The following ABCB1 variants were observed in gnomAD, a reference collection of about 807,000 sequenced individuals.
ABCB1 encodes ATP binding cassette subfamily B member 1, also known as ATP-dependent translocase ABCB1.
A neutral mutation model predicts 142.0 loss-of-function variants in ABCB1; 69 were observed. That is an observed-to-expected ratio of 0.49 (90% CI 0.40 to 0.59). The LOEUF (loss-of-function observed/expected upper bound fraction) is 0.59, where lower values mean the gene tolerates loss of function less well. ABCB1 is among the 20% of genes least tolerant of loss of function. The pLI, the probability that ABCB1 is intolerant of heterozygous loss-of-function variation, is 0.00. For synonymous variants in ABCB1, 532 were observed against 539.2 expected, an observed-to-expected ratio of 0.99 and a Z score of 0.18; for missense variants, 1,326 against 1,554.7, an observed-to-expected ratio of 0.85 and a Z score of 2.47.
chr7:87,505,821 G>A (rs1814709070), intron 27 of ABCB1, 76 bp downstream of exon 27: 2 of 1,555,842 alleles, frequency 1.3e-6, no homozygotes, highest in Non-Finnish European at 1.8e-6. Context: ...GCTGCATTTT[G>A]TTCTTTACTA....
At chr7:87,647,193 GA>G (rs1823093624) in intron 1 of ABCB1, among the ~76,000 whole-genome samples, 1 of 152,180 alleles carries the variant, frequency 6.6e-6, no homozygotes, top group Non-Finnish European at 1.5e-5. Flanking sequence ...TGGCATTTCT[GA>G]AAGTGTACTT....
At chr7:87,694,760 A>G (rs1231480386) in intron 1 of ABCB1, among the ~76,000 whole-genome samples, 2 of 149,104 alleles carry the variant, frequency 1.3e-5, no homozygotes, top group East Asian at 3.8e-4. Context: ...GGTGGAAGGG[A>G]AAAAACAAAA....
chr7:87,698,048 A>G (rs1333614990), intron 1 of ABCB1, among the ~76,000 whole-genome samples: 1 of 152,222 alleles, frequency 6.6e-6, no homozygotes, highest in African/African-American at 2.4e-5. Flanking sequence ...ATTAAGAGGG[A>G]GAAGTCTGTA....
chr7:87,639,927 GTA>G (rs1331282340), intron 1 of ABCB1, among the ~76,000 whole-genome samples: 1 of 151,382 alleles, frequency 6.6e-6, no homozygotes, highest in Non-Finnish European at 1.5e-5. Flanking sequence ...ACTGTTCATT[GTA>G]TGTTTGCTTT....
At chr7:87,542,729 AG>A (rs1816596392) in intron 17 of ABCB1, among the ~76,000 whole-genome samples, 1 of 151,768 alleles carries the variant, frequency 6.6e-6, no homozygotes, top group Non-Finnish European at 1.5e-5. Flanking sequence ...GACACATGTT[AG>A]TGCAAGAATC....
chr7:87,621,673 A>G (rs1358294877), intron 1 of ABCB1, among the ~76,000 whole-genome samples: 1 of 152,158 alleles, frequency 6.6e-6, no homozygotes, highest in African/African-American at 2.4e-5. Context: ...ATAAACAAAT[A>G]CAAACACATA....
intron 1 of ABCB1, among the ~76,000 whole-genome samples, chr7:87,679,173 A>T (rs1826676424): frequency 7.0e-6 from 1 of 143,498 alleles, no homozygotes; most frequent in Non-Finnish European, 1.5e-5. Flanking sequence ...GCTCACTGCA[A>T]GCTCCTCCTC....
intron 1 of ABCB1, chr7:87,650,929 G>A (rs778523577): frequency 3.7e-5 from 59 of 1,588,128 alleles, no homozygotes; most frequent in Non-Finnish European, 4.8e-5. Flanking sequence ...TTAAGCCACC[G>A]GCTAAAAGGT....
chr7:87,691,417 A>G (rs962552637), intron 1 of ABCB1, among the ~76,000 whole-genome samples: 3 of 152,100 alleles, frequency 2.0e-5, no homozygotes, highest in Admixed American at 6.6e-5. Context: ...ATTTGAATGC[A>G]TTTTGTTCTT....
intron 20 of ABCB1, among the ~76,000 whole-genome samples, chr7:87,533,722 G>T (rs1005602436): frequency 2.6e-5 from 4 of 152,044 alleles, no homozygotes; most frequent in Non-Finnish European, 2.9e-5. Context: ...TTGAGGGGAG[G>T]AACTAAAACC....
chr7:87,589,868 G>GAGAA (rs1358508967), intron 3 of ABCB1, among the ~76,000 whole-genome samples: 3 of 151,324 alleles, frequency 2.0e-5, no homozygotes, highest in Admixed American at 6.6e-5. Context: ...GAGAGAGAGA[G>GAGAA]AGAAAGAAAG....
chr7:87,624,140 TG>T (rs1820324635), intron 1 of ABCB1, among the ~76,000 whole-genome samples: 2 of 152,240 alleles, frequency 1.3e-5, no homozygotes, highest in Non-Finnish European at 2.9e-5. Context: ...TTTGTGGATT[TG>T]AAAAAATTTA....
At chr7:87,522,129 TG>T in intron 21 of ABCB1, 1 of 1,364,196 alleles carries the variant, frequency 7.3e-7, no homozygotes, top group Non-Finnish European at 1.0e-6. Flanking sequence ...GAAACTTCAG[TG>T]GTCATTGTGG....
At chr7:87,711,331 A>AATAT (rs1041027773) in intron 1 of ABCB1, among the ~76,000 whole-genome samples, 1 of 151,506 alleles carries the variant, frequency 6.6e-6, no homozygotes, top group Admixed American at 6.6e-5. Context: ...TGTCTCAAAA[A>AATAT]ATATATATAT....
chr7:87,525,929 G>C (rs1027995797), intron 21 of ABCB1, among the ~76,000 whole-genome samples: 1 of 152,164 alleles, frequency 6.6e-6, no homozygotes, highest in African/African-American at 2.4e-5. Context: ...TATCACAGAA[G>C]GGTCCATGTC....
chr7:87,624,712 T>A (rs1235894689), intron 1 of ABCB1, among the ~76,000 whole-genome samples: 1 of 152,212 alleles, frequency 6.6e-6, no homozygotes. Context: ...AATAGTATTA[T>A]GCTGTGTACT....
intron 21 of ABCB1, among the ~76,000 whole-genome samples, chr7:87,530,028 C>T (rs1244944841): frequency 2.0e-5 from 3 of 152,164 alleles, no homozygotes; most frequent in East Asian, 3.9e-4. Context: ...CCAGAGGGAA[C>T]CCCCCAAAAA....
chr7:87,605,944 GAAAAT>G (rs1300896958), intron 1 of ABCB1, among the ~76,000 whole-genome samples: 2 of 151,958 alleles, frequency 1.3e-5, no homozygotes, highest in African/African-American at 4.8e-5. Flanking sequence ...AATGGACATT[GAAAAT>G]AAATAATAAT....
intron 1 of ABCB1, among the ~76,000 whole-genome samples, chr7:87,685,172 T>C (rs909982336): frequency 2.0e-5 from 3 of 152,126 alleles, no homozygotes; most frequent in Admixed American, 6.5e-5. Flanking sequence ...GGAAAAAATA[T>C]TTGCAAATCA....
Sources: gnomAD v4.1 joint callset for allele counts (sites outside exome capture counted in the v4.1 genomes callset) on GRCh38, gnomAD v4.1.1 for gene constraint, MANE v1.5 for transcripts, NCBI Gene and HGNC (gene_info 2026-07-23, HGNC 2026-07-21) for gene names.